The following C2orf69 variants were observed in gnomAD, a reference collection of about 807,000 sequenced individuals.
C2orf69 encodes the protein chromosome 2 open reading frame 69, also known as mitochondrial protein C2orf69.
C2orf69 carries 19 observed loss-of-function variants against 29.5 expected under a neutral mutation model. The ratio of observed to expected loss-of-function variants is 0.65; its 90% CI spans 0.45 to 0.95. The LOEUF (loss-of-function observed/expected upper bound fraction) is 0.95. C2orf69 is among the 40% of genes least tolerant of loss of function. The pLI is 0.00. For synonymous variants in C2orf69, 194 were observed against 180.0 expected, an observed-to-expected ratio of 1.08 and a Z score of -0.62; for missense variants, 416 against 482.1, an observed-to-expected ratio of 0.86 and a Z score of 1.28.
At position 199,928,250 on chromosome 2, in the gene C2orf69, T is replaced by C. The variant is rs2077343515; in HGVS notation, c.*2364T>C. On this transcript the variant is annotated 3_prime_UTR_variant, in exon 2 of 2. Transcript: ENST00000319974. ...CCACCACAGCATGAATGTATAATTG[T>C]ATTAAAATTGATCATCCACAGAAGT... is the stretch of plus-strand genomic sequence containing the variant. 6.6e-6 allele frequency: 1 copy of C among 152,624 alleles called. No individual in the cohort carries two copies. The highest frequency in any genetic ancestry group is 2.1e-4 in the South Asian group (1 of 4,828). 9.5% of individuals were successfully genotyped at this position (152,624 alleles called of 1,614,324 possible).
intron 1 of C2orf69, among the ~76,000 whole-genome samples, chr2:199,917,845 C>T (rs915264444): frequency 5.3e-5 from 8 of 152,208 alleles, no homozygotes; most frequent in Admixed American, 4.6e-4. Flanking sequence ...AGTCCATTCT[C>T]ATGCTGCTAA....
At chr2:199,921,248 C>T (rs951957596) in intron 1 of C2orf69, among the ~76,000 whole-genome samples, 13 of 151,878 alleles carry the variant, frequency 8.6e-5, no homozygotes, top group Admixed American at 1.3e-4. Flanking sequence ...CCTCGTGATC[C>T]GCCTGGCTCG....
At chr2:199,918,167 G>A (rs2077300920) in intron 1 of C2orf69, among the ~76,000 whole-genome samples, 1 of 152,128 alleles carries the variant, frequency 6.6e-6, no homozygotes, top group Admixed American at 6.6e-5. Context: ...GATTTTGGTG[G>A]GGACACAACC....
Position 199,927,144 on chromosome 2 carries a change from T to C in C2orf69, c.*1258T>C, listed in dbSNP as rs1367776240. On this transcript the variant is annotated 3_prime_UTR_variant, in exon 2 of 2. Transcript: ENST00000319974. ...GAAGTTTCCTTCTGCCCGTTTTTCT[T>C]GACCTAGATAAATACACTTTGAGAA... 1.3e-5 allele frequency: 2 copies of C among 152,136 alleles called. No individual in the cohort carries two copies. The highest frequency in any genetic ancestry group is 2.9e-5 in the Non-Finnish European group (2 of 67,974). The allele number at this position is 152,136 out of a possible 1,614,324, so 9.4% of individuals were successfully genotyped here. A position where few individuals can be genotyped will look rare whatever the true frequency, so the allele number is the denominator to read the frequency against.
chr2:199,914,750 G>T (rs1384067770), intron 1 of C2orf69, among the ~76,000 whole-genome samples: 2 of 152,064 alleles, frequency 1.3e-5, no homozygotes, highest in Non-Finnish European at 1.5e-5. Context: ...TACCTAAAAA[G>T]CTTTCTGTAT....
intron 1 of C2orf69, among the ~76,000 whole-genome samples, chr2:199,915,907 T>C (rs1346518826): frequency 6.6e-6 from 1 of 152,242 alleles, no homozygotes; most frequent in Non-Finnish European, 1.5e-5. Flanking sequence ...TCTTAATTCC[T>C]ATTAACTTCT....
intron 1 of C2orf69, among the ~76,000 whole-genome samples, chr2:199,922,031 T>TTTTATATATATATATATA (rs1553566020): frequency 2.5e-5 from 2 of 78,984 alleles, no homozygotes; most frequent in Non-Finnish European, 4.5e-5. Context: ...ACTGTTATTT[T>TTTTATATATATATATATA]TATATATATA....
intron 1 of C2orf69, among the ~76,000 whole-genome samples, chr2:199,923,231 A>G (rs559460186): frequency 6.6e-6 from 1 of 152,212 alleles, no homozygotes; most frequent in East Asian, 1.9e-4. Context: ...CTGCTTTATT[A>G]TGTTCCGTTG....
At chr2:199,921,225 T>A (rs989315508) in intron 1 of C2orf69, among the ~76,000 whole-genome samples, 6 of 151,680 alleles carry the variant, frequency 4.0e-5, no homozygotes, top group African/African-American at 1.5e-4. Flanking sequence ...CAGGATGGTC[T>A]CCCATCTCCT....
At chr2:199,918,487 G>A (rs1184066826) in intron 1 of C2orf69, among the ~76,000 whole-genome samples, 2 of 152,068 alleles carry the variant, frequency 1.3e-5, no homozygotes, top group African/African-American at 4.8e-5. Flanking sequence ...TCAGCCTCCT[G>A]AGTAGCTGGG....
chr2:199,917,601 C>G (rs2077298184), intron 1 of C2orf69, among the ~76,000 whole-genome samples: 1 of 152,194 alleles, frequency 6.6e-6, no homozygotes, highest in South Asian at 2.1e-4. Flanking sequence ...TTTATTATCT[C>G]TGTCTGAGAC....
chr2:199,925,775 G>T lies in C2orf69; in HGVS notation c.1047G>T (p.Lys349Asn). The change falls in exon 2 of 2, where the codon AAG becomes AAT. Residue 349 changes from lysine (K) to asparagine (N), a missense_variant. Physicochemically the swap from Lys to Asn is moderately conservative, Grantham distance 94 (BLOSUM62 0). This residue lies in a region of C2orf69 where 225 missense variants were observed against 307.3 expected (regional missense o/e 0.73). Transcript: ENST00000319974. The surrounding 1 kb of genome is among the most constrained non-coding windows in gnomAD (Gnocchi z 4.9). ...GATCTTGGATTGGAAAGGAGCACAAGAAATTTGTTCAGATACTTGGGGATC... is the reference window on the plus strand; with the variant it reads ...GATCTTGGATTGGAAAGGAGCACAATAAATTTGTTCAGATACTTGGGGATC... ...PMRSWIGKEH[K>N]KFVQILGDLG... 1 of 1,613,882 alleles carries T rather than the reference G, an allele frequency of 6.2e-7. No individual in the cohort carries two copies. The highest frequency in any genetic ancestry group is 8.5e-7 in the Non-Finnish European group (1 of 1,179,850).
chr2:199,913,526 A>AATAT (rs1553564916), intron 1 of C2orf69, among the ~76,000 whole-genome samples: 1 of 117,490 alleles, frequency 8.5e-6, no homozygotes, highest in Non-Finnish European at 1.6e-5. Flanking sequence ...TATATATAAA[A>AATAT]TATACTATAT....
At chr2:199,912,037 A>C (rs926443346) in intron 1 of C2orf69, among the ~76,000 whole-genome samples, 1 of 152,186 alleles carries the variant, frequency 6.6e-6, no homozygotes, top group African/African-American at 2.4e-5. Context: ...CAGGTTTCCA[A>C]GAGGCGGAAT....
chr2:199,925,361 T>C lies in C2orf69; in HGVS notation c.633T>C (p.Asn211=). 6.2e-7 allele frequency: 1 copy of C among 1,613,614 alleles called. No individual in the cohort carries two copies. Among genetic ancestry groups the C allele is most frequent in the Middle Eastern group, 1.7e-4 (1 of 5,952 alleles). Residue 211 remains asparagine, a synonymous_variant, in exon 2 of 2, where the codon AAT becomes AAC. Transcript: ENST00000319974. This position sits in a 1 kb window ranked among gnomAD's most constrained non-coding sequence, Gnocchi z 4.9. The part of the protein sequence containing the change: ...SLSKKSLNVW[N]KDSIASNCRS... ...CAAAGAAAAGTTTGAATGTTTGGAATAAGGACTCCATAGCATCTAACTGTA... is the reference window on the plus strand; with the variant it reads ...CAAAGAAAAGTTTGAATGTTTGGAACAAGGACTCCATAGCATCTAACTGTA...
In C2orf69 at chr2:199,911,348, T is replaced by G. The variant is rs1412116512; in HGVS notation, c.-91T>G. On this transcript the variant is annotated 5_prime_UTR_variant, in exon 1 of 2. Coordinates refer to ENST00000319974, the MANE Select transcript of C2orf69 (RefSeq NM_153689.6). ...CGGCCGGGCCGCGGCCGCCGACCGT[T>G]GAGCCGCCGGCTGAGCCGCCTGCTG... 3 of 1,359,062 alleles carry G rather than the reference T, an allele frequency of 2.2e-6. No individual in the cohort carries two copies. In the South Asian group the frequency reaches 5.3e-5, roughly 24 times the overall value. The allele number at this position is 1,359,062 out of a possible 1,614,324, so 84.2% of individuals were successfully genotyped here. A position where few individuals can be genotyped will look rare whatever the true frequency, so the allele number is the denominator to read the frequency against.
chr2:199,911,583 G>A lies in C2orf69; in HGVS notation c.145G>A (p.Val49Met). 1 of 1,549,614 alleles carries A rather than the reference G, an allele frequency of 6.5e-7. No individual in the cohort carries two copies. Among genetic ancestry groups the A allele is most frequent in the Non-Finnish European group, 8.7e-7 (1 of 1,146,656 alleles). The change falls in exon 1 of 2, where the codon GTG (valine) becomes ATG (methionine). Residue 49 changes from valine (V) to methionine (M), a missense_variant. Around this residue, in one of 4 missense-constraint regions of C2orf69, gnomAD observed 175 missense variants for 139.9 expected, o/e 1.25. Transcript: ENST00000319974. ...GGARCSLSAE[V>M]RRRQCLQLST... ...CGCGCGATGCTCCCTCTCGGCCGAG[G>A]TGCGCCGCCGTCAGTGCCTGCAGCT...
Position 199,911,315 on chromosome 2 carries a change from C to G in C2orf69, c.-124C>G. 1 of 1,218,992 alleles carries G rather than the reference C, an allele frequency of 8.2e-7. No individual in the cohort carries two copies. Among genetic ancestry groups the G allele is most frequent in the Non-Finnish European group, 1.1e-6 (1 of 935,122 alleles). The allele number at this position is 1,218,992 out of a possible 1,614,324, so 75.5% of individuals were successfully genotyped here. On this transcript the variant is annotated 5_prime_UTR_variant, in exon 1 of 2. Transcript: ENST00000319974. ...GGCCTCTGACGTCGTCGCCTCAGCG[C>G]CGGCTCCCGGCCGGGCCGCGGCCGC...
rs1162523390 is a variant in C2orf69 at position 199,911,434 on chromosome 2, G to A, written c.-5G>A. 1.3e-6 allele frequency: 2 copies of A among 1,512,652 alleles called. No homozygotes were observed. Among genetic ancestry groups the A allele is most frequent in the Non-Finnish European group, 1.8e-6 (2 of 1,130,842 alleles). 93.7% of individuals were successfully genotyped at this position (1,512,652 alleles called of 1,614,324 possible). A position where few individuals can be genotyped will look rare whatever the true frequency, so the allele number is the denominator to read the frequency against. ...ACCTCCGAACCGCTCTCGCGGCGGC[G>A]ACCCATGTGGGGGTTCAGGCTCCTG... On this transcript the variant is annotated 5_prime_UTR_variant, in exon 1 of 2. Coordinates refer to ENST00000319974, the MANE Select transcript of C2orf69 (RefSeq NM_153689.6).
Sources: allele counts gnomAD v4.1 joint callset (sites outside exome capture counted in the v4.1 genomes callset), GRCh38; gene constraint gnomAD v4.1.1; regional missense constraint gnomAD v4.1.1; non-coding constraint Gnocchi (gnomAD v3.1); transcripts MANE v1.5; gene names NCBI Gene and HGNC (gene_info 2026-07-23, HGNC 2026-07-21).